Variants in FBXO47 observed in about 807,000 individuals in gnomAD.
FBXO47 encodes the protein F-box protein 47, also known as F-box only protein 47.
In FBXO47, 34 loss-of-function variants were observed where a neutral mutation model predicts 53.9. The ratio of observed to expected loss-of-function variants is 0.63; its 90% CI spans 0.48 to 0.84. The LOEUF (loss-of-function observed/expected upper bound fraction) is 0.84, where lower values mean the gene tolerates loss of function less well. Among genes scored for constraint, FBXO47 ranks in the 40% least tolerant of loss-of-function variants. FBXO47 has a pLI of 0.00. For synonymous variants in FBXO47, 165 were observed against 181.6 expected (o/e 0.91, Z 0.73); for missense variants, 485 against 541.3 (o/e 0.90, Z 1.03).
intron 6 of FBXO47, among the ~76,000 whole-genome samples, chr17:38,946,984 A>ATATATAAATG (rs1904955723): frequency 1.6e-5 from 1 of 64,096 alleles, no homozygotes; most frequent in African/African-American, 4.3e-5. Flanking sequence ...ATATGTAAAT[A>ATATATAAATG]TATATAAACA....
At chr17:38,953,822 A>G (rs2143942058) in intron 5 of FBXO47, among the ~76,000 whole-genome samples, 1 of 152,252 alleles carries the variant, frequency 6.6e-6, no homozygotes, top group East Asian at 1.9e-4. Flanking sequence ...CCAAAGAAAG[A>G]AAGAAATAAG....
At chr17:38,961,809 T>C in intron 3 of FBXO47, 68 bp downstream of exon 3, 1 of 1,379,636 alleles carries the variant, frequency 7.2e-7, no homozygotes, top group East Asian at 2.3e-5. Flanking sequence ...CCTTACAGAA[T>C]TGTATACTAA....
chr17:38,946,665 TAA>T (rs1262374930), intron 6 of FBXO47, among the ~76,000 whole-genome samples: 7 of 42,868 alleles, frequency 1.6e-4, no homozygotes, highest in Admixed American at 3.6e-4. Flanking sequence ...TATGAATATA[TAA>T]ATATATATAA....
Position 38,937,143 on chromosome 17 carries a change from G to T in FBXO47, c.*32C>A. On this transcript the variant is annotated 3_prime_UTR_variant, in exon 11 of 11. Transcript: ENST00000378079. ...GCACTCCTCTAATCATTCGTTCAGT[G>T]ACGTTCTCTAAAGGCAAGGCTTTCT... 1.1e-6 allele frequency: 1 copy of T among 941,866 alleles called. No homozygotes were observed. Among genetic ancestry groups the T allele is most frequent in the South Asian group, 1.5e-5 (1 of 65,870 alleles). 58.3% of individuals were successfully genotyped at this position (941,866 alleles called of 1,614,324 possible).
chr17:38,961,652 C>G (rs150179743), intron 3 of FBXO47, among the ~76,000 whole-genome samples: 1 of 152,274 alleles, frequency 6.6e-6, no homozygotes, highest in Non-Finnish European at 1.5e-5. Context: ...GACGTTATAT[C>G]TATATGAAAT....
chr17:38,939,440 C>CA (rs1904404273), intron 9 of FBXO47, among the ~76,000 whole-genome samples: 1 of 142,672 alleles, frequency 7.0e-6, no homozygotes, highest in African/African-American at 2.6e-5. Flanking sequence ...GCTGAAGATA[C>CA]AATGACAAAC....
At chr17:38,940,176 G>A (rs909063720) in intron 9 of FBXO47, among the ~76,000 whole-genome samples, 1 of 151,922 alleles carries the variant, frequency 6.6e-6, no homozygotes, top group Non-Finnish European at 1.5e-5. Context: ...AGAGCTTGCA[G>A]TCTATTTTGG....
intron 9 of FBXO47, among the ~76,000 whole-genome samples, chr17:38,941,390 G>A (rs922059014): frequency 3.3e-5 from 5 of 150,776 alleles, no homozygotes; most frequent in African/African-American, 9.8e-5. Flanking sequence ...GGCTAGTTTC[G>A]AACTCCTGAC....
chr17:38,965,508 A>G (rs1015051706), intron 1 of FBXO47, among the ~76,000 whole-genome samples: 1 of 152,022 alleles, frequency 6.6e-6, no homozygotes, highest in African/African-American at 2.4e-5. Flanking sequence ...CTCCTTTGAA[A>G]CCATACCACA....
chr17:38,938,567 A>G lies in FBXO47; in HGVS notation c.1243+6T>C, dbSNP rs745888562. ...ACACCTGTGCACCAAGTACATTCCT[A>G]CTCACCAGACATAATTGATTGCAGC... is the stretch of plus-strand genomic sequence containing the variant. On this transcript the variant is annotated splice_donor_region_variant and intron_variant, in intron 10 of 10. Coordinates refer to ENST00000378079, the MANE Select transcript of FBXO47 (RefSeq NM_001008777.3). The G allele has an allele frequency of 1.2e-6, 2 of 1,605,570 alleles. No homozygotes were observed. The highest frequency in any genetic ancestry group is 1.7e-6 in the Non-Finnish European group (2 of 1,174,440).
Position 38,937,073 on chromosome 17 carries a change from G to T in FBXO47, c.*102C>A. 2.1e-6 allele frequency: 1 copy of T among 471,562 alleles called. No homozygotes were observed. The allele number at this position is 471,562 out of a possible 1,614,324, so 29.2% of individuals were successfully genotyped here. On this transcript the variant is annotated 3_prime_UTR_variant, in exon 11 of 11. Coordinates refer to ENST00000378079, the MANE Select transcript of FBXO47 (RefSeq NM_001008777.3). The stretch of plus-strand genomic sequence containing the variant: ...AGCTTTTGAATTCTTAGGTTACTTA[G>T]ATGATAAAAAGTCCCATGGATGCTA...
intron 6 of FBXO47, among the ~76,000 whole-genome samples, chr17:38,947,642 G>A (rs903130942): frequency 6.6e-6 from 1 of 152,164 alleles, no homozygotes; most frequent in African/African-American, 2.4e-5. Context: ...AGGCGTGGTG[G>A]CTCATGCCTG....
At chr17:38,954,059 G>A (rs570715563) in intron 5 of FBXO47, among the ~76,000 whole-genome samples, 73 of 152,164 alleles carry the variant, frequency 4.8e-4, no homozygotes, top group Non-Finnish European at 9.0e-4. Context: ...TTGGGAGGCC[G>A]AGGTGGGTGG....
intron 3 of FBXO47, 47 bp downstream of exon 3, chr17:38,961,830 A>C (rs760889894): frequency 1.3e-6 from 2 of 1,529,688 alleles, no homozygotes; most frequent in Non-Finnish European, 1.8e-6. Flanking sequence ...GTTTCTCTTA[A>C]TTAAGCACAG....
Position 38,943,743 on chromosome 17 carries a change from T to G in FBXO47, c.794-7A>C. The G allele has an allele frequency of 6.3e-7, 1 of 1,595,810 alleles. No individual in the cohort carries two copies. Among genetic ancestry groups the G allele is most frequent in the South Asian group, 1.1e-5 (1 of 87,102 alleles). ...TCCTGCCAAACCACCTGTCCTGAAT[T>G]GAAACAAAAACGAGGCTATGACAGA... On this transcript the variant is annotated splice_region_variant and splice_polypyrimidine_tract_variant and intron_variant, in intron 7 of 10. Coordinates refer to ENST00000378079, the MANE Select transcript of FBXO47 (RefSeq NM_001008777.3).
At chr17:38,954,632 T>A (rs1905460554) in intron 5 of FBXO47, among the ~76,000 whole-genome samples, 1 of 152,098 alleles carries the variant, frequency 6.6e-6, no homozygotes, top group Non-Finnish European at 1.5e-5. Context: ...ATAGAATGGT[T>A]TGGGGGATAA....
intron 6 of FBXO47, among the ~76,000 whole-genome samples, chr17:38,947,093 AAC>A (rs1904978391): frequency 7.3e-6 from 1 of 137,078 alleles, no homozygotes; most frequent in African/African-American, 2.7e-5. Context: ...CATATATATA[AAC>A]ATATATATAA....
chr17:38,951,617 A>G lies in FBXO47; in HGVS notation c.580T>C (p.Cys194Arg). 1 of 1,614,052 alleles carries G rather than the reference A, an allele frequency of 6.2e-7. No homozygotes were observed. Among genetic ancestry groups the G allele is most frequent in the Non-Finnish European group, 8.5e-7 (1 of 1,179,956 alleles). ...CAGACAGCCATTTGTATCTTGCGGC[A>G]GAGATTAGTCAGTTCGCATAAGAAA... is the stretch of plus-strand genomic sequence containing the variant. ...YNFLCELTNL[C>R]RKIQMAVCSK... Residue 194 changes from cysteine (C) to arginine (R), a missense_variant, in exon 6 of 11, where the codon TGC becomes CGC. By Grantham distance (180) the Cys-to-Arg change is radical. Coordinates refer to ENST00000378079, the MANE Select transcript of FBXO47 (RefSeq NM_001008777.3).
At chr17:38,941,620 T>TTTTATATATATATATATA (rs1555560016) in intron 9 of FBXO47, among the ~76,000 whole-genome samples, 5 of 115,198 alleles carry the variant, frequency 4.3e-5, no homozygotes, top group African/African-American at 1.5e-4. Flanking sequence ...AAATATAATA[T>TTTTATATATATATATATA]TATATATATA....
Sources: gnomAD v4.1 joint callset for allele counts (sites outside exome capture counted in the v4.1 genomes callset) on GRCh38, gnomAD v4.1.1 for gene constraint, MANE v1.5 for transcripts, NCBI Gene and HGNC (gene_info 2026-07-23, HGNC 2026-07-21) for gene names.